The following DISC1 variants were observed in gnomAD, a reference collection of about 807,000 sequenced individuals.
The protein encoded by DISC1 is DISC1 scaffold protein, also known as disrupted in schizophrenia 1 protein.
In DISC1, 57 loss-of-function variants were observed where a neutral mutation model predicts 84.5. The observed-to-expected ratio is 0.67, with a 90% CI of 0.55 to 0.84. DISC1 has a LOEUF of 0.84. Among genes scored for constraint, DISC1 ranks in the 40% least tolerant of loss-of-function variants. The pLI is 0.00. For missense variants in DISC1, 1,000 were observed against 1,057.8 expected, an observed-to-expected ratio of 0.95 and a Z score of 0.76; for synonymous variants, 411 against 415.2, an observed-to-expected ratio of 0.99 and a Z score of 0.12.
At chr1:231,978,614 C>T (rs111878864) in intron 10 of DISC1, among the ~76,000 whole-genome samples, 18 of 152,120 alleles carry the variant, frequency 1.2e-4, no homozygotes, top group African/African-American at 4.3e-4. Flanking sequence ...TTCGTATATT[C>T]GTGATATTTC....
intron 3 of DISC1, among the ~76,000 whole-genome samples, chr1:231,703,140 T>C (rs575248710): frequency 3.4e-4 from 52 of 152,340 alleles, no homozygotes; most frequent in African/African-American, 1.2e-3. Flanking sequence ...TGTTGCATGT[T>C]CTCATTACCT....
chr1:231,648,973 C>T (rs1202866044), intron 1 of DISC1, among the ~76,000 whole-genome samples: 5 of 152,072 alleles, frequency 3.3e-5, no homozygotes, highest in East Asian at 3.9e-4. Context: ...GTCTTGCTAG[C>T]GGTCTATCAA....
At chr1:231,662,406 G>A (rs1297808624) in intron 1 of DISC1, among the ~76,000 whole-genome samples, 1 of 152,148 alleles carries the variant, frequency 6.6e-6, no homozygotes, top group African/African-American at 2.4e-5. Context: ...AGCTGCATCC[G>A]AGGGAGAGGT....
At chr1:231,870,752 T>C (rs2085399155) in intron 9 of DISC1, among the ~76,000 whole-genome samples, 1 of 152,238 alleles carries the variant, frequency 6.6e-6, no homozygotes, top group South Asian at 2.1e-4. Flanking sequence ...CAAACTCTGT[T>C]TTTAGAGATT....
At chr1:231,798,363 A>G (rs1391698327) in intron 7 of DISC1, among the ~76,000 whole-genome samples, 9 of 151,974 alleles carry the variant, frequency 5.9e-5, no homozygotes, top group African/African-American at 1.9e-4. Flanking sequence ...GCAATTTAAT[A>G]AGAAGATTCA....
chr1:231,714,637 GAGAA>G (rs1296141186), intron 3 of DISC1, among the ~76,000 whole-genome samples: 7 of 151,396 alleles, frequency 4.6e-5, no homozygotes, highest in Admixed American at 1.3e-4. Flanking sequence ...AGGAGAGAGA[GAGAA>G]AGAGATAGAG....
In DISC1 at chr1:232,038,013, G is replaced by C. The variant is rs1304909574; in HGVS notation, c.*1182G>C. 6.6e-6 allele frequency: 1 copy of C among 152,204 alleles called. No individual in the cohort carries two copies. The highest frequency in any genetic ancestry group is 1.5e-5 in the Non-Finnish European group (1 of 68,166). The allele number at this position is 152,204 out of a possible 1,614,324, so 9.4% of individuals were successfully genotyped here. On this transcript the variant is annotated 3_prime_UTR_variant, in exon 13 of 13. Coordinates refer to ENST00000439617, the MANE Select transcript of DISC1 (RefSeq NM_018662.3). The stretch of plus-strand genomic sequence containing the variant: ...ACTCAGTAACACAGTGCAGTACTCA[G>C]TAATACAGTACAGTACTCAGTAAGG...
chr1:231,651,597 G>A (rs892144364), intron 1 of DISC1, among the ~76,000 whole-genome samples: 10 of 152,208 alleles, frequency 6.6e-5, no homozygotes, highest in Non-Finnish European at 1.5e-4. Context: ...ACACCATGCT[G>A]GGAGAACCAC....
intron 9 of DISC1, among the ~76,000 whole-genome samples, chr1:231,819,885 T>G (rs904333971): frequency 6.6e-6 from 1 of 152,206 alleles, no homozygotes; most frequent in Non-Finnish European, 1.5e-5. Flanking sequence ...GCAAATTTAG[T>G]CCAGCAATAT....
intron 9 of DISC1, among the ~76,000 whole-genome samples, chr1:231,947,828 A>G (rs2126149320): frequency 6.6e-6 from 1 of 151,594 alleles, no homozygotes; most frequent in Middle Eastern, 3.5e-3. Context: ...AAAAGAAGAC[A>G]TTTATGTAAC....
intron 9 of DISC1, among the ~76,000 whole-genome samples, chr1:231,863,354 C>T (rs7527848): frequency 0.053 from 7,853 of 149,190 alleles, 676 homozygotes; most frequent in African/African-American, 0.18. Flanking sequence ...CCTCAGCCTC[C>T]ACAGTTGCTG....
intron 9 of DISC1, among the ~76,000 whole-genome samples, chr1:231,827,300 T>G (rs2081929009): frequency 6.6e-6 from 1 of 152,208 alleles, no homozygotes; most frequent in South Asian, 2.1e-4. Context: ...TAAAAAAAAT[T>G]TAAACTATTA....
At chr1:231,677,506 C>T (rs892037403) in intron 1 of DISC1, among the ~76,000 whole-genome samples, 2 of 152,206 alleles carry the variant, frequency 1.3e-5, no homozygotes, top group Non-Finnish European at 2.9e-5. Flanking sequence ...TTTAACGTCA[C>T]CTGCCAGAAA....
chr1:231,981,691 G>T (rs534987423), intron 10 of DISC1, among the ~76,000 whole-genome samples: 1 of 152,334 alleles, frequency 6.6e-6, no homozygotes, highest in South Asian at 2.1e-4. Flanking sequence ...TGAAGGTTCT[G>T]TGGGGTAGAG....
At chr1:231,969,598 CTT>C (rs59866510) in intron 10 of DISC1, among the ~76,000 whole-genome samples, 1,457 of 126,192 alleles carry the variant, frequency 0.012, 6 homozygotes, top group Middle Eastern at 0.02. Flanking sequence ...TTCTTTCTTT[CTT>C]TTTTTTTTTT....
intron 9 of DISC1, among the ~76,000 whole-genome samples, chr1:231,856,825 C>G (rs1453965046): frequency 6.6e-6 from 1 of 152,198 alleles, no homozygotes; most frequent in African/African-American, 2.4e-5. Flanking sequence ...GTGCCCCAAA[C>G]TTTCCCAAGA....
At chr1:231,802,573 G>T (rs2079358394) in intron 8 of DISC1, among the ~76,000 whole-genome samples, 1 of 152,128 alleles carries the variant, frequency 6.6e-6, no homozygotes, top group African/African-American at 2.4e-5. Flanking sequence ...TTCTTAATTT[G>T]AGAACTATTT....
Position 232,021,194 on chromosome 1 carries a change from C to G in DISC1, c.2308-5241C>G, listed in dbSNP as rs1368388381. Among the ~76,000 whole-genome samples, 22 of 152,136 alleles carry G rather than the reference C, an allele frequency of 1.4e-4. 1 individual carries two copies. The highest frequency in any genetic ancestry group is 1.4e-3 in the Admixed American group (21 of 15,276). On this transcript the variant is annotated intron_variant, in intron 11 of 12. Coordinates refer to ENST00000439617, the MANE Select transcript of DISC1 (RefSeq NM_018662.3). The stretch of plus-strand genomic sequence containing the variant: ...TTGAGCACCTTGCTCTGCTAAGTGT[C>G]CCCTGAAGAAAGAGCCACTTCTCCC...
rs142445021 is a variant in DISC1, at chr1:231,651,835, C to T, written c.67+24901C>T. Among the ~76,000 whole-genome samples, 51 of 152,328 alleles carry T rather than the reference C, an allele frequency of 3.3e-4. 1 individual carries two copies. The East Asian group carries it at 9.6e-3, about 29-fold the overall frequency. On this transcript the variant is annotated intron_variant, in intron 1 of 12. Coordinates refer to ENST00000439617, the MANE Select transcript of DISC1 (RefSeq NM_018662.3). ...TCTGCCAGGCTGTTGCCTCGCAGGT[C>T]GATCTCAGACTGCTGAGCTAGCAGT...
Sources: gnomAD v4.1 joint callset for allele counts (sites outside exome capture counted in the v4.1 genomes callset) on GRCh38, gnomAD v4.1.1 for gene constraint, MANE v1.5 for transcripts, NCBI Gene and HGNC (gene_info 2026-07-23, HGNC 2026-07-21) for gene names.